Variants in PHACTR3 observed in about 807,000 individuals in gnomAD.
PHACTR3 encodes the protein phosphatase and actin regulator 3, also known as protein phosphatase 1, regulatory subunit 123.
A neutral mutation model predicts 66.8 loss-of-function variants in PHACTR3; 16 were observed. That is an observed-to-expected ratio of 0.24 (90% CI 0.16 to 0.36). The LOEUF (loss-of-function observed/expected upper bound fraction) is 0.36. PHACTR3 is among the 10% of genes least tolerant of loss of function. The pLI, the probability that PHACTR3 is intolerant of heterozygous loss-of-function variation, is 1.00. For synonymous variants in PHACTR3, 323 were observed against 292.1 expected (o/e 1.11, Z -1.08); for missense variants, 647 against 719.9 (o/e 0.90, Z 1.16).
intron 2 of PHACTR3, among the ~76,000 whole-genome samples, chr20:59,743,629 A>G (rs910730947): frequency 6.6e-6 from 1 of 152,190 alleles, no homozygotes; most frequent in African/African-American, 2.4e-5. Flanking sequence ...TGCTGGCTTC[A>G]CCTGGGTGGT....
At chr20:59,682,309 C>G (rs566255260) in intron 1 of PHACTR3, among the ~76,000 whole-genome samples, 1 of 152,286 alleles carries the variant, frequency 6.6e-6, no homozygotes, top group Admixed American at 6.5e-5. Flanking sequence ...TGCTGCACTC[C>G]AGCCTGGGCA....
intron 8 of PHACTR3, among the ~76,000 whole-genome samples, chr20:59,814,191 G>T (rs1342132675): frequency 3.9e-5 from 6 of 152,182 alleles, no homozygotes; most frequent in Non-Finnish European, 8.8e-5. Flanking sequence ...TGCAGGGCTG[G>T]TTTGGGAGAG....
intron 9 of PHACTR3, among the ~76,000 whole-genome samples, chr20:59,837,689 A>G (rs1394808092): frequency 1.3e-5 from 2 of 152,236 alleles, no homozygotes; most frequent in Admixed American, 6.5e-5. Context: ...CAGTTGCCAA[A>G]TATTTGAATT....
In PHACTR3 at chr20:59,829,014, AC is replaced by A. The variant is rs2042271258; in HGVS notation, c.1329-7490del. Among the ~76,000 whole-genome samples the A allele has an allele frequency of 6.6e-6, 1 of 151,950 alleles. No individual in the cohort carries two copies. Among genetic ancestry groups the A allele is most frequent in the East Asian group, 1.9e-4 (1 of 5,142 alleles). On this transcript the variant is annotated intron_variant, in intron 8 of 12. Transcript: ENST00000371015. The surrounding 1 kb of genome is among the most constrained non-coding windows in gnomAD (Gnocchi z 4.2). ...GACTTGGAGCTTCCTGGGGTGTTGG[AC>A]GTAGGGAGTAAGAGGAGCCAGTTCT...
At chr20:59,819,726 G>A (rs940029349) in intron 8 of PHACTR3, among the ~76,000 whole-genome samples, 11 of 151,054 alleles carry the variant, frequency 7.3e-5, no homozygotes, top group African/African-American at 1.9e-4. Context: ...CTGGCCACCC[G>A]TCAACTGAGG....
intron 1 of PHACTR3, among the ~76,000 whole-genome samples, chr20:59,580,860 C>T (rs1471992677): frequency 6.6e-6 from 1 of 152,184 alleles, no homozygotes; most frequent in African/African-American, 2.4e-5. Flanking sequence ...CTGAAATGGA[C>T]TAGACACACA....
chr20:59,639,798 T>C (rs2146419985), intron 1 of PHACTR3, among the ~76,000 whole-genome samples: 1 of 152,342 alleles, frequency 6.6e-6, no homozygotes, highest in Non-Finnish European at 1.5e-5. Context: ...CTTTCCATTT[T>C]ACTACCTTCA....
Position 59,814,160 on chromosome 20 carries a change from G to A in PHACTR3, c.1328+7966G>A, listed in dbSNP as rs1305120888. 2.6e-5 allele frequency among the ~76,000 whole-genome samples: 4 copies of A among 152,288 alleles called. 1 individual carries two copies. The East Asian group carries it at 7.8e-4, about 30-fold the overall frequency. On this transcript the variant is annotated intron_variant, in intron 8 of 12. Transcript: ENST00000371015. ...GGGGTCAGGAGCGAGGGCATGTCTG[G>A]GAAACGCCCCTCTGCTGCAGTGCAG... is the stretch of plus-strand genomic sequence containing the variant.
chr20:59,814,618 A>G (rs2041835258), intron 8 of PHACTR3, among the ~76,000 whole-genome samples: 1 of 152,020 alleles, frequency 6.6e-6, no homozygotes, highest in South Asian at 2.1e-4. Flanking sequence ...ACGGTCCTGT[A>G]CTTCCTGTTA....
intron 1 of PHACTR3, among the ~76,000 whole-genome samples, chr20:59,717,674 T>C (rs2038142364): frequency 6.6e-6 from 1 of 152,046 alleles, no homozygotes; most frequent in African/African-American, 2.4e-5. Flanking sequence ...TAAACCATGA[T>C]ATATAGATCT....
chr20:59,731,978 G>T (rs996572483), intron 1 of PHACTR3, among the ~76,000 whole-genome samples: 7 of 152,298 alleles, frequency 4.6e-5, no homozygotes, highest in African/African-American at 1.7e-4. Flanking sequence ...CTATTTGACA[G>T]CTTTTGTGGG....
At chr20:59,635,149 T>TTCC (rs1555881160) in intron 1 of PHACTR3, among the ~76,000 whole-genome samples, 1,318 of 60,380 alleles carry the variant, frequency 0.022, 38 homozygotes, top group Middle Eastern at 0.038. Context: ...CTTTCTTTCT[T>TTCC]TTTCTTTCTT....
chr20:59,634,951 G>A (rs2034796299), intron 1 of PHACTR3, among the ~76,000 whole-genome samples: 1 of 152,116 alleles, frequency 6.6e-6, no homozygotes, highest in South Asian at 2.1e-4. Flanking sequence ...ACACCACACC[G>A]GCTCAGAGTA....
intron 1 of PHACTR3, chr20:59,721,061 G>A (rs1386834678): frequency 3.9e-5 from 6 of 152,242 alleles, no homozygotes; most frequent in Non-Finnish European, 8.8e-5. Context: ...CAGGCACCAT[G>A]TCAACCCTTT....
At chr20:59,618,688 A>G (rs1237144776) in intron 1 of PHACTR3, among the ~76,000 whole-genome samples, 2 of 152,238 alleles carry the variant, frequency 1.3e-5, no homozygotes, top group African/African-American at 4.8e-5. Context: ...CAGGATCCTC[A>G]TGCAGGAGCC....
intron 1 of PHACTR3, among the ~76,000 whole-genome samples, chr20:59,586,187 C>T (rs1466567955): frequency 6.6e-6 from 1 of 152,228 alleles, no homozygotes. Flanking sequence ...CCGGCACAGA[C>T]TTCCTGCCTC....
At chr20:59,782,855 G>A (rs534078165) in intron 7 of PHACTR3, among the ~76,000 whole-genome samples, 3 of 152,330 alleles carry the variant, frequency 2.0e-5, no homozygotes, top group Middle Eastern at 6.8e-3. Context: ...GTGACGCCAA[G>A]AATGTGGTGA....
At chr20:59,592,790 C>T (rs557951883) in intron 1 of PHACTR3, among the ~76,000 whole-genome samples, 10 of 152,244 alleles carry the variant, frequency 6.6e-5, no homozygotes, top group Non-Finnish European at 1.3e-4. Flanking sequence ...GAGCAATATG[C>T]ATTTACATTT....
chr20:59,820,251 C>T lies in PHACTR3; in HGVS notation c.1328+14057C>T, dbSNP rs946632302. On this transcript the variant is annotated intron_variant, in intron 8 of 12. Transcript: ENST00000371015. This position sits in a 1 kb window ranked among gnomAD's most constrained non-coding sequence, Gnocchi z 4.6. ...CTTTCAAGGATTTGTTGCAAAAATG[C>T]GAAGGAGCTCACGAGGCAGTGCTGT... 2.6e-5 allele frequency among the ~76,000 whole-genome samples: 4 copies of T among 152,198 alleles called. No individual in the cohort carries two copies. Among genetic ancestry groups the T allele is most frequent in the South Asian group, 4.2e-4 (2 of 4,814 alleles).
Sources: gnomAD v4.1 joint callset for allele counts (sites outside exome capture counted in the v4.1 genomes callset) on GRCh38, gnomAD v4.1.1 for gene constraint, Gnocchi (gnomAD v3.1) non-coding constraint, MANE v1.5 for transcripts, NCBI Gene and HGNC (gene_info 2026-07-23, HGNC 2026-07-21) for gene names.